Variants in WDR7 observed in about 807,000 individuals in gnomAD.
WDR7 encodes WD repeat domain 7, also known as WD repeat-containing protein 7.
In WDR7, 46 loss-of-function variants were observed where a neutral mutation model predicts 169.4. The ratio of observed to expected loss-of-function variants is 0.27; its 90% CI spans 0.21 to 0.35. The LOEUF is 0.35. Among genes scored for constraint, WDR7 ranks in the 10% least tolerant of loss-of-function variants. The pLI is 1.00. For missense variants in WDR7, 1,534 were observed against 1,859.3 expected (o/e 0.83, Z 3.22); for synonymous variants, 612 against 666.8 (o/e 0.92, Z 1.27).
intron 13 of WDR7, among the ~76,000 whole-genome samples, chr18:56,729,326 A>G (rs1229154835): frequency 1.3e-5 from 2 of 152,212 alleles, no homozygotes; most frequent in African/African-American, 2.4e-5. Flanking sequence ...TATGATATAC[A>G]TTTGTAAAAA....
intron 16 of WDR7, among the ~76,000 whole-genome samples, chr18:56,760,496 C>A (rs2043965059): frequency 6.6e-6 from 1 of 152,122 alleles, no homozygotes; most frequent in African/African-American, 2.4e-5. Context: ...AGTGTTGTTG[C>A]ATTTGACCAT....
intron 19 of WDR7, among the ~76,000 whole-genome samples, chr18:56,789,747 G>A (rs1394528165): frequency 1.3e-5 from 2 of 152,206 alleles, no homozygotes; most frequent in African/African-American, 4.8e-5. Context: ...TACCTTCAGT[G>A]CAGAAATTCA....
intron 19 of WDR7, among the ~76,000 whole-genome samples, chr18:56,806,898 T>A (rs1026889210): frequency 1.3e-5 from 2 of 152,178 alleles, no homozygotes; most frequent in Non-Finnish European, 2.9e-5. Context: ...ACCATTTTAA[T>A]GGCTTGCTTT....
chr18:56,656,449 T>G (rs2024773856), intron 1 of WDR7, among the ~76,000 whole-genome samples: 2 of 151,904 alleles, frequency 1.3e-5, no homozygotes, highest in Admixed American at 1.3e-4. Flanking sequence ...CTAGTTAATT[T>G]TTTGCATTTT....
chr18:56,660,433 T>A (rs1310506843), intron 1 of WDR7, among the ~76,000 whole-genome samples: 1 of 152,096 alleles, frequency 6.6e-6, no homozygotes, highest in East Asian at 1.9e-4. Flanking sequence ...CATTTTAGAT[T>A]TTTCAGATTA....
chr18:57,009,952 G>A (rs1008222140), intron 26 of WDR7: 112 of 985,220 alleles, frequency 1.1e-4, no homozygotes, highest in Non-Finnish European at 1.3e-4. Flanking sequence ...CAAAACCCAC[G>A]AAAATGCCAA....
At chr18:56,747,442 A>G (rs1250719630) in intron 14 of WDR7, among the ~76,000 whole-genome samples, 1 of 152,212 alleles carries the variant, frequency 6.6e-6, no homozygotes. Context: ...CATTCAGCAC[A>G]TATTGAATGC....
chr18:56,925,730 A>G (rs2046798168), intron 22 of WDR7, among the ~76,000 whole-genome samples: 1 of 152,286 alleles, frequency 6.6e-6, no homozygotes, highest in Non-Finnish European at 1.5e-5. Flanking sequence ...TTGTCTACAG[A>G]TTGGGCATTG....
chr18:56,686,437 T>C (rs2025446080), intron 6 of WDR7, among the ~76,000 whole-genome samples: 1 of 152,180 alleles, frequency 6.6e-6, no homozygotes, highest in Admixed American at 6.5e-5. Flanking sequence ...TTGTTCTTTT[T>C]TTTATCAATG....
At chr18:56,675,738 A>G (rs2025230406) in intron 2 of WDR7, among the ~76,000 whole-genome samples, 1 of 151,988 alleles carries the variant, frequency 6.6e-6, no homozygotes, top group Admixed American at 6.6e-5. Context: ...CTCCATAACA[A>G]TATTGAATAG....
intron 12 of WDR7, among the ~76,000 whole-genome samples, chr18:56,706,179 A>G (rs1206061836): frequency 6.6e-6 from 1 of 152,252 alleles, no homozygotes; most frequent in Non-Finnish European, 1.5e-5. Context: ...TGTCTAAAGA[A>G]AGATTTGACA....
intron 21 of WDR7, among the ~76,000 whole-genome samples, chr18:56,914,368 C>T (rs2046595350): frequency 6.6e-6 from 1 of 152,116 alleles, no homozygotes; most frequent in Admixed American, 6.6e-5. Context: ...TTTGTATGTC[C>T]CAACTAGAAG....
chr18:56,945,770 C>G (rs2047094599), intron 25 of WDR7, among the ~76,000 whole-genome samples: 2 of 152,126 alleles, frequency 1.3e-5, no homozygotes, highest in Admixed American at 6.5e-5. Flanking sequence ...ATAGCCTCCC[C>G]CGGTGATTCT....
intron 24 of WDR7, 99 bp from the exon 25 acceptor site, chr18:56,939,212 A>G (rs2145700422): frequency 2.5e-6 from 2 of 803,888 alleles, no homozygotes; most frequent in Non-Finnish European, 3.8e-6. Flanking sequence ...ATAAAGCTAT[A>G]TAGACTTTCT....
intron 13 of WDR7, among the ~76,000 whole-genome samples, chr18:56,726,999 C>G (rs1188032290): frequency 6.6e-6 from 1 of 152,140 alleles, no homozygotes; most frequent in Non-Finnish European, 1.5e-5. Context: ...GTGGAGCTTT[C>G]TTCACCCTGG....
intron 11 of WDR7, among the ~76,000 whole-genome samples, chr18:56,695,446 CATCTCTTAGTT>C (rs1458270443): frequency 6.6e-6 from 1 of 151,960 alleles, no homozygotes; most frequent in Non-Finnish European, 1.5e-5. Context: ...TTAATAGTTT[CATCTCTTAGTT>C]ATCTCTATGG....
At chr18:56,742,883 A>G (rs1008117835) in intron 14 of WDR7, among the ~76,000 whole-genome samples, 11 of 152,300 alleles carry the variant, frequency 7.2e-5, no homozygotes, top group East Asian at 5.8e-4. Flanking sequence ...AGGCGAGTCC[A>G]TTAAAGCACC....
At chr18:56,841,371 A>G (rs771427280) in intron 20 of WDR7, among the ~76,000 whole-genome samples, 1 of 151,892 alleles carries the variant, frequency 6.6e-6, no homozygotes, top group African/African-American at 2.4e-5. Flanking sequence ...GTGAAACCCA[A>G]TTTCAACTAA....
intron 27 of WDR7, among the ~76,000 whole-genome samples, chr18:57,022,422 A>G (rs1193069494): frequency 6.6e-6 from 1 of 152,222 alleles, no homozygotes; most frequent in African/African-American, 2.4e-5. Context: ...CACAGAGATC[A>G]GTAAGTCATG....
Sources: gnomAD v4.1 joint callset for allele counts (sites outside exome capture counted in the v4.1 genomes callset) on GRCh38, gnomAD v4.1.1 for gene constraint, MANE v1.5 for transcripts, NCBI Gene and HGNC (gene_info 2026-07-23, HGNC 2026-07-21) for gene names.